The following LRRTM4 variants were observed in gnomAD, a reference collection of about 807,000 sequenced individuals.
The protein encoded by LRRTM4 is leucine rich repeat transmembrane neuronal 4.
Under a neutral mutation model 47.6 loss-of-function variants are expected in LRRTM4, and 25 were observed. That is an observed-to-expected ratio of 0.53 (90% CI 0.38 to 0.73). LRRTM4 has a LOEUF of 0.73. Among genes scored for constraint, LRRTM4 ranks in the 30% least tolerant of loss-of-function variants. The pLI, the probability that LRRTM4 is intolerant of heterozygous loss-of-function variation, is 0.00. For synonymous variants in LRRTM4, 311 were observed against 269.5 expected, an observed-to-expected ratio of 1.15 and a Z score of -1.51; for missense variants, 638 against 713.4, an observed-to-expected ratio of 0.89 and a Z score of 1.20.
In LRRTM4 at chr2:76,980,407, C is replaced by G. The variant is rs13429643; in HGVS notation, c.1552-231491G>C. Among the ~76,000 whole-genome samples the G allele has an allele frequency of 9.8e-3, 1,487 of 152,112 alleles. 25 individuals are homozygous for G. Among genetic ancestry groups the G allele is most frequent in the African/African-American group, 0.035 (1,439 of 41,518 alleles). On this transcript the variant is annotated intron_variant, in intron 3 of 3. Coordinates refer to ENST00000409884, the MANE Select transcript of LRRTM4 (RefSeq NM_001134745.3). ...AAAACAATGGTCCTGAGCAATGTAT[C>G]TGTTTTAAAATTTTCAAATACATAA...
At chr2:77,013,032 G>A (rs928328484) in intron 3 of LRRTM4, among the ~76,000 whole-genome samples, 4 of 152,202 alleles carry the variant, frequency 2.6e-5, no homozygotes. Context: ...ACAACAGGAT[G>A]AGTGCATGCA....
In LRRTM4 at chr2:76,777,093, G is replaced by C. The variant is rs1265265149; in HGVS notation, c.1552-28177C>G. Among the ~76,000 whole-genome samples, 162 of 145,986 alleles carry C rather than the reference G, an allele frequency of 1.1e-3. 4 individuals are homozygous for C. The South Asian group carries it at 0.013, about 12-fold the overall frequency. ...TAGATACGCGGCATTATTTCTGAGG[G>C]CTCTGTTCTGTTCCATTGATCTATA... On this transcript the variant is annotated intron_variant, in intron 3 of 3. Transcript: ENST00000409884.
chr2:77,253,980 A>C (rs954811085), intron 3 of LRRTM4, among the ~76,000 whole-genome samples: 1 of 152,084 alleles, frequency 6.6e-6, no homozygotes, highest in Admixed American at 6.6e-5. Context: ...AATTGACAAG[A>C]TATAAACTTA....
At chr2:77,071,349 C>G (rs762492023) in intron 3 of LRRTM4, among the ~76,000 whole-genome samples, 58 of 152,056 alleles carry the variant, frequency 3.8e-4, no homozygotes, top group Non-Finnish European at 7.2e-4. Flanking sequence ...ATCCAGAGAC[C>G]TTCACATGCT....
chr2:76,861,935 A>G (rs1573225039), intron 3 of LRRTM4, among the ~76,000 whole-genome samples: 1 of 152,134 alleles, frequency 6.6e-6, no homozygotes, highest in Non-Finnish European at 1.5e-5. Context: ...GTAGGGCCCA[A>G]AGCAGCTAAA....
chr2:76,938,668 T>C (rs1675037479), intron 3 of LRRTM4, among the ~76,000 whole-genome samples: 1 of 152,146 alleles, frequency 6.6e-6, no homozygotes. Flanking sequence ...GATATAAAAC[T>C]AACCAATTGT....
At chr2:77,138,149 T>C (rs1372761508) in intron 3 of LRRTM4, among the ~76,000 whole-genome samples, 1 of 152,266 alleles carries the variant, frequency 6.6e-6, no homozygotes, top group Admixed American at 6.5e-5. Flanking sequence ...CAGAACTCTG[T>C]ACCCCAAATC....
intron 3 of LRRTM4, among the ~76,000 whole-genome samples, chr2:77,168,829 C>T (rs933982543): frequency 1.3e-5 from 2 of 152,136 alleles, no homozygotes; most frequent in Non-Finnish European, 2.9e-5. Flanking sequence ...CTTCACTTAA[C>T]ATAATGAACT....
chr2:76,800,281 C>T (rs1175461145), intron 3 of LRRTM4, among the ~76,000 whole-genome samples: 2 of 149,182 alleles, frequency 1.3e-5, no homozygotes, highest in African/African-American at 2.5e-5. Context: ...CAGAACAGAG[C>T]CCTCAGAAAT....
chr2:76,785,331 A>G (rs1271516644), intron 3 of LRRTM4, among the ~76,000 whole-genome samples: 2 of 152,134 alleles, frequency 1.3e-5, no homozygotes, highest in Non-Finnish European at 2.9e-5. Flanking sequence ...TAAAATTAAT[A>G]ATAAGAAGGA....
chr2:77,123,205 C>T (rs1046382058), intron 3 of LRRTM4, among the ~76,000 whole-genome samples: 1 of 133,106 alleles, frequency 7.5e-6, no homozygotes, highest in African/African-American at 3.5e-5. Flanking sequence ...TGTTCAGCTT[C>T]AGTCTCACAG....
intron 3 of LRRTM4, among the ~76,000 whole-genome samples, chr2:77,262,805 T>A: frequency 6.6e-6 from 1 of 152,092 alleles, no homozygotes; most frequent in East Asian, 1.9e-4. Flanking sequence ...TAATAATGTA[T>A]TTGTTCCTAA....
chr2:77,176,480 C>T (rs540152382), intron 3 of LRRTM4, among the ~76,000 whole-genome samples: 1 of 152,300 alleles, frequency 6.6e-6, no homozygotes, highest in South Asian at 2.1e-4. Context: ...TGGTTCTTAA[C>T]CATCACAAGG....
At chr2:76,820,546 C>T (rs753855486) in intron 3 of LRRTM4, among the ~76,000 whole-genome samples, 3 of 151,528 alleles carry the variant, frequency 2.0e-5, no homozygotes, top group African/African-American at 4.8e-5. Flanking sequence ...AAGAAATTTG[C>T]GATAAAAAAA....
At chr2:76,861,606 T>C (rs900693488) in intron 3 of LRRTM4, among the ~76,000 whole-genome samples, 18 of 152,164 alleles carry the variant, frequency 1.2e-4, no homozygotes, top group Admixed American at 4.6e-4. Context: ...TCCTTAATCT[T>C]GACATAGGCA....
Position 76,796,223 on chromosome 2 carries a change from G to C in LRRTM4, c.1552-47307C>G, listed in dbSNP as rs1300399890. ...GCAGTCTGAGATCAAACTGCAAGGCGGCAGCCAGGCTGGGGGAGGGGTGCC... is the reference window on the plus strand; with the variant it reads ...GCAGTCTGAGATCAAACTGCAAGGCCGCAGCCAGGCTGGGGGAGGGGTGCC... On this transcript the variant is annotated intron_variant, in intron 3 of 3. Coordinates refer to ENST00000409884, the MANE Select transcript of LRRTM4 (RefSeq NM_001134745.3). Among the ~76,000 whole-genome samples the C allele has an allele frequency of 5.0e-5, 6 of 120,158 alleles. 1 individual carries two copies. Among genetic ancestry groups the C allele is most frequent in the African/African-American group, 1.4e-4 (4 of 27,900 alleles). 78.8% of individuals were successfully genotyped at this position (120,158 alleles called of 152,430 possible).
intron 3 of LRRTM4, among the ~76,000 whole-genome samples, chr2:76,969,107 A>G (rs549418200): frequency 6.6e-6 from 1 of 151,830 alleles, no homozygotes. Context: ...ATAACTCAGA[A>G]ACATGTTTAA....
intron 3 of LRRTM4, among the ~76,000 whole-genome samples, chr2:77,134,643 T>C (rs889224547): frequency 9.2e-5 from 14 of 152,184 alleles, no homozygotes; most frequent in African/African-American, 3.4e-4. Context: ...TAATATTTTT[T>C]ACTATTTTAG....
intron 3 of LRRTM4, among the ~76,000 whole-genome samples, chr2:77,237,845 AG>A (rs1416028239): frequency 1.3e-5 from 2 of 152,184 alleles, no homozygotes; most frequent in Non-Finnish European, 2.9e-5. Context: ...TCAGGGCACA[AG>A]TAAAGACCCC....
Sources: allele counts gnomAD v4.1 joint callset (sites outside exome capture counted in the v4.1 genomes callset), GRCh38; gene constraint gnomAD v4.1.1; transcripts MANE v1.5; gene names NCBI Gene and HGNC (gene_info 2026-07-23, HGNC 2026-07-21).